CNTN1: variants seen among roughly 807,000 people sequenced by gnomAD.
CNTN1 encodes contactin 1.
Under a neutral mutation model 126.4 loss-of-function variants are expected in CNTN1, and 38 were observed. That is an observed-to-expected ratio of 0.30 (90% CI 0.23 to 0.39). CNTN1 has a LOEUF of 0.39. Among genes scored for constraint, CNTN1 ranks in the 10% least tolerant of loss-of-function variants. The pLI is 1.00. For missense variants in CNTN1, 1,009 were observed against 1,248.4 expected (o/e 0.81, Z 2.89); for synonymous variants, 413 against 422.6 (o/e 0.98, Z 0.28).
chr12:40,795,503 A>T (rs537554760), intron 1 of CNTN1, among the ~76,000 whole-genome samples: 1 of 151,648 alleles, frequency 6.6e-6, no homozygotes, highest in East Asian at 1.9e-4. Context: ...TTCAAAATAG[A>T]TGTATTTAGA....
chr12:41,028,510 G>A (rs1431577959), intron 22 of CNTN1, among the ~76,000 whole-genome samples: 1 of 152,202 alleles, frequency 6.6e-6, no homozygotes, highest in Non-Finnish European at 1.5e-5. Context: ...GCTTAAGGAG[G>A]AGAGAGAACG....
At chr12:40,762,411 AC>A in intron 1 of CNTN1, among the ~76,000 whole-genome samples, 1 of 152,306 alleles carries the variant, frequency 6.6e-6, no homozygotes, top group South Asian at 2.1e-4. Flanking sequence ...AGAAGTCATC[AC>A]CTTAGAAAAC....
chr12:40,839,504 A>T (rs763597680), intron 1 of CNTN1, among the ~76,000 whole-genome samples: 3 of 152,216 alleles, frequency 2.0e-5, no homozygotes, highest in African/African-American at 7.2e-5. Flanking sequence ...GCTATAGATA[A>T]AAAGCCAATC....
chr12:40,841,003 G>A (rs1316171637), intron 1 of CNTN1, among the ~76,000 whole-genome samples: 3 of 151,656 alleles, frequency 2.0e-5, no homozygotes, highest in Non-Finnish European at 4.4e-5. Context: ...CAAAGGATCA[G>A]TAAAACAAAA....
intron 4 of CNTN1, among the ~76,000 whole-genome samples, chr12:40,919,547 C>T (rs1592256576): frequency 6.6e-6 from 1 of 152,248 alleles, no homozygotes; most frequent in Non-Finnish European, 1.5e-5. Flanking sequence ...GTGTTAATGT[C>T]ACCTGACTTA....
chr12:41,048,503 C>A (rs1057381400), intron 23 of CNTN1, among the ~76,000 whole-genome samples: 1 of 152,148 alleles, frequency 6.6e-6, no homozygotes, highest in African/African-American at 2.4e-5. Context: ...CCTAAGGACA[C>A]CCCTCCACAT....
chr12:40,884,004 G>T (rs930280430), intron 1 of CNTN1, among the ~76,000 whole-genome samples: 1 of 151,302 alleles, frequency 6.6e-6, no homozygotes, highest in Non-Finnish European at 1.5e-5. Flanking sequence ...AGATAATAAG[G>T]ACTGCCCATA....
intron 23 of CNTN1, among the ~76,000 whole-genome samples, chr12:41,049,680 A>G (rs1949628144): frequency 6.6e-6 from 1 of 152,180 alleles, no homozygotes; most frequent in African/African-American, 2.4e-5. Flanking sequence ...AAAATATGTC[A>G]GCTCTTCTCA....
At chr12:40,935,077 G>A (rs538112124) in intron 9 of CNTN1, among the ~76,000 whole-genome samples, 59 of 152,044 alleles carry the variant, frequency 3.9e-4, no homozygotes, top group African/African-American at 1.4e-3. Context: ...CTCCATTTAT[G>A]ATCCCACTCG....
chr12:41,065,951 CAGG>C (rs1423682569), intron 23 of CNTN1, among the ~76,000 whole-genome samples: 3 of 152,222 alleles, frequency 2.0e-5, no homozygotes, highest in Non-Finnish European at 4.4e-5. Flanking sequence ...GCTGTCCCAG[CAGG>C]AGTTTTATTG....
At chr12:40,866,622 T>C (rs1253475028) in intron 1 of CNTN1, among the ~76,000 whole-genome samples, 1 of 152,198 alleles carries the variant, frequency 6.6e-6, no homozygotes, top group Non-Finnish European at 1.5e-5. Flanking sequence ...AATTGATTTT[T>C]GGATTTTAAA....
chr12:40,840,020 A>G (rs1445794557), intron 1 of CNTN1, among the ~76,000 whole-genome samples: 2 of 152,138 alleles, frequency 1.3e-5, no homozygotes, highest in East Asian at 3.8e-4. Flanking sequence ...AATATAAATG[A>G]ACTAAATTCT....
chr12:40,991,532 A>T (rs1948095027), intron 16 of CNTN1, among the ~76,000 whole-genome samples: 1 of 152,142 alleles, frequency 6.6e-6, no homozygotes. Flanking sequence ...AGTGTCCAGT[A>T]AAAAAGGGCT....
At chr12:40,880,007 T>G (rs1943818241) in intron 1 of CNTN1, among the ~76,000 whole-genome samples, 1 of 152,096 alleles carries the variant, frequency 6.6e-6, no homozygotes, top group Non-Finnish European at 1.5e-5. Context: ...TAGTAATACC[T>G]TTGCTCCAAG....
chr12:40,819,138 C>T (rs572952438), intron 1 of CNTN1, among the ~76,000 whole-genome samples: 1 of 152,180 alleles, frequency 6.6e-6, no homozygotes, highest in Non-Finnish European at 1.5e-5. Context: ...TCTGACAACC[C>T]CGGTTGGAGG....
At chr12:40,695,855 T>C (rs1018563091) in intron 1 of CNTN1, among the ~76,000 whole-genome samples, 2 of 152,216 alleles carry the variant, frequency 1.3e-5, no homozygotes, top group African/African-American at 4.8e-5. Flanking sequence ...TGACAATTTA[T>C]CTTATTGAAA....
At chr12:41,045,408 C>A (rs962030162) in intron 23 of CNTN1, among the ~76,000 whole-genome samples, 5 of 152,042 alleles carry the variant, frequency 3.3e-5, no homozygotes, top group African/African-American at 1.2e-4. Flanking sequence ...AATTTTCTCT[C>A]CTGAGGTTTG....
At chr12:40,854,529 T>C (rs1942829399) in intron 1 of CNTN1, among the ~76,000 whole-genome samples, 1 of 151,978 alleles carries the variant, frequency 6.6e-6, no homozygotes, top group Admixed American at 6.6e-5. Context: ...TAAACTTGGA[T>C]CAGAAACTAG....
chr12:40,828,897 T>C (rs540396043), intron 1 of CNTN1, among the ~76,000 whole-genome samples: 113 of 152,328 alleles, frequency 7.4e-4, no homozygotes, highest in Non-Finnish European at 1.2e-3. Context: ...TTTTTCCCTC[T>C]TGTTAAGAAT....
Sources: allele counts gnomAD v4.1 joint callset (sites outside exome capture counted in the v4.1 genomes callset), GRCh38; gene constraint gnomAD v4.1.1; transcripts MANE v1.5; gene names NCBI Gene and HGNC (gene_info 2026-07-23, HGNC 2026-07-21).